The following PRDM2 variants were observed in gnomAD, a reference collection of about 807,000 sequenced individuals.
PRDM2 encodes the protein PR/SET domain 2.
PRDM2 carries 30 observed loss-of-function variants against 130.0 expected under a neutral mutation model. The observed-to-expected ratio is 0.23, with a 90% CI of 0.17 to 0.31. The LOEUF (loss-of-function observed/expected upper bound fraction) is 0.31. Among genes scored for constraint, PRDM2 ranks in the 10% least tolerant of loss-of-function variants. The pLI is 1.00. For synonymous variants in PRDM2, 871 were observed against 782.4 expected (o/e 1.11, Z -1.89); for missense variants, 2,011 against 2,108.4 (o/e 0.95, Z 0.90).
chr1:13,788,557 G>C (rs1393181710), intron 8 of PRDM2, among the ~76,000 whole-genome samples: 2 of 152,194 alleles, frequency 1.3e-5, no homozygotes, highest in Admixed American at 1.3e-4. Flanking sequence ...AACCACATCT[G>C]TCTGTCACTC....
chr1:13,731,197 G>A, intron 3 of PRDM2, 80 bp downstream of exon 3: 3 of 1,103,574 alleles, frequency 2.7e-6, no homozygotes, highest in Non-Finnish European at 4.1e-6. Context: ...GGCATGTCAG[G>A]TAGGGAGCGC....
Position 13,780,614 on chromosome 1 carries a change from C to T in PRDM2, c.2819C>T (p.Ser940Phe). The change falls in exon 8 of 10, where the codon TCC (serine) becomes TTC (phenylalanine). Residue 940 changes from serine (S) to phenylalanine (F), a missense_variant. By Grantham distance (155) the Ser-to-Phe change is radical. This residue lies in a region of PRDM2 where 1,288 missense variants were observed against 1,237.7 expected (regional missense o/e 1.04). Coordinates refer to ENST00000311066, the MANE Select transcript of PRDM2 (RefSeq NM_001393986.1). ...GGTTTCCCTGCCCCTACTGTTGAGTCCACACCTGATGTTTGTCCTTCATCA... is the reference window on the plus strand; with the variant it reads ...GGTTTCCCTGCCCCTACTGTTGAGTTCACACCTGATGTTTGTCCTTCATCA... ...GSGFPAPTVE[S>F]TPDVCPSSPA... 5 of 1,614,070 alleles carry T rather than the reference C, an allele frequency of 3.1e-6. No homozygotes were observed. The highest frequency in any genetic ancestry group is 4.2e-6 in the Non-Finnish European group (5 of 1,179,988).
chr1:13,720,173 G>T lies in PRDM2; in HGVS notation c.9+4559G>T, dbSNP rs79279706. Among the ~76,000 whole-genome samples, 739 of 152,214 alleles carry T rather than the reference G, an allele frequency of 4.9e-3. 8 individuals are homozygous for T. The highest frequency in any genetic ancestry group is 0.017 in the African/African-American group (705 of 41,534). On this transcript the variant is annotated intron_variant, in intron 2 of 9. Transcript: ENST00000311066. ...AGGAGTTACTTATATAAATTTAAATGAGACGCTAATAAAATTTGCTTATTC... is the reference window on the plus strand; with the variant it reads ...AGGAGTTACTTATATAAATTTAAATTAGACGCTAATAAAATTTGCTTATTC...
chr1:13,802,044 C>G (rs1645015914), intron 8 of PRDM2, among the ~76,000 whole-genome samples: 1 of 152,200 alleles, frequency 6.6e-6, no homozygotes, highest in African/African-American at 2.4e-5. Flanking sequence ...CCCGTCCTGG[C>G]CACCTTACAG....
At position 13,816,532 on chromosome 1, in the gene PRDM2, A is replaced by T. The variant is rs765070331; in HGVS notation, c.5142A>T (p.Pro1714=). Residue 1714 remains proline, a synonymous_variant, in exon 9 of 10, where the codon CCA becomes CCT. Coordinates refer to ENST00000311066, the MANE Select transcript of PRDM2 (RefSeq NM_001393986.1). Reference sequence around the variant, plus strand: ...CAGCTGCAGCCCAGTTCCAGGGACCATTCTTCAAAGAGTAGACACTCTGGC... The same window carrying T: ...CAGCTGCAGCCCAGTTCCAGGGACCTTTCTTCAAAGAGTAGACACTCTGGC... ...KAPAAAQFQG[P]FFKE 4 of 1,614,036 alleles carry T rather than the reference A, an allele frequency of 2.5e-6. No homozygotes were observed. The Admixed American group carries it at 5.0e-5, about 20-fold the overall frequency.
chr1:13,749,932 GCA>G (rs2100538668), intron 6 of PRDM2, among the ~76,000 whole-genome samples: 1 of 152,256 alleles, frequency 6.6e-6, no homozygotes, highest in African/African-American at 2.4e-5. Context: ...GGCCCGCCGC[GCA>G]GGACGCGGGC....
At position 13,779,504 on chromosome 1, in the gene PRDM2, T is replaced by C. The variant is rs1401838966; in HGVS notation, c.1709T>C (p.Ile570Thr). The C allele has an allele frequency of 6.2e-7, 1 of 1,614,066 alleles. No individual in the cohort carries two copies. Among genetic ancestry groups the C allele is most frequent in the African/African-American group, 1.3e-5 (1 of 75,034 alleles). The change falls in exon 8 of 10, where the codon ATT becomes ACT. Residue 570 changes from isoleucine to threonine, a missense_variant. Coordinates refer to ENST00000311066, the MANE Select transcript of PRDM2 (RefSeq NM_001393986.1). The surrounding 1 kb of genome is among the most constrained non-coding windows in gnomAD (Gnocchi z 4.9). ...ATCTCTGAAAACTTAAATTACTATA[T>C]TGATGGTAAAATTCAAACTAATAAC... ...SNISENLNYY[I>T]DGKIQTNNNT...
chr1:13,753,914 A>G (rs1478524511), intron 6 of PRDM2, among the ~76,000 whole-genome samples: 1 of 152,200 alleles, frequency 6.6e-6, no homozygotes, highest in Admixed American at 6.5e-5. Flanking sequence ...CTGGAGTTTC[A>G]GCAAAGAACT....
chr1:13,808,960 G>A (rs1004949789), intron 8 of PRDM2, among the ~76,000 whole-genome samples: 3 of 102,394 alleles, frequency 2.9e-5, no homozygotes, highest in Admixed American at 2.2e-4. Context: ...TGGAATCACT[G>A]AAGAGCTTAA....
intron 5 of PRDM2, 116 bp from the exon 6 acceptor site, chr1:13,749,245 C>T (rs1643721013): frequency 1.0e-6 from 1 of 995,174 alleles, no homozygotes; most frequent in Non-Finnish European, 1.2e-6. Flanking sequence ...GCGCGCGGCG[C>T]CGCCGACAGC....
chr1:13,791,743 A>T (rs546691678), intron 8 of PRDM2, among the ~76,000 whole-genome samples: 1 of 152,208 alleles, frequency 6.6e-6, no homozygotes, highest in Non-Finnish European at 1.5e-5. Context: ...AGTTGCAAAA[A>T]TTGCATTTAA....
chr1:13,701,418 G>T (rs904363641), intron 1 of PRDM2, among the ~76,000 whole-genome samples: 1 of 151,958 alleles, frequency 6.6e-6, no homozygotes, highest in Non-Finnish European at 1.5e-5. Context: ...ACTTCGCCTC[G>T]GTTTGATCAG....
At chr1:13,764,987 A>T (rs1041810339) in intron 6 of PRDM2, among the ~76,000 whole-genome samples, 2 of 152,256 alleles carry the variant, frequency 1.3e-5, no homozygotes, top group Non-Finnish European at 2.9e-5. Flanking sequence ...AGGAAACTAT[A>T]GAAAATGCAT....
intron 8 of PRDM2, among the ~76,000 whole-genome samples, chr1:13,793,071 G>GCA: frequency 6.6e-6 from 1 of 152,328 alleles, no homozygotes; most frequent in East Asian, 1.9e-4. Context: ...TGGCCAGAGA[G>GCA]CAGTTTTACT....
chr1:13,805,107 C>A (rs1037280703), intron 8 of PRDM2, among the ~76,000 whole-genome samples: 5 of 152,184 alleles, frequency 3.3e-5, no homozygotes, highest in Admixed American at 3.3e-4. Flanking sequence ...CCATCACAGG[C>A]CCAGCCTTAC....
In PRDM2 at chr1:13,782,826, C is replaced by T. The variant is rs1227470736; in HGVS notation, c.5031C>T (p.Asp1677=). The T allele has an allele frequency of 6.2e-7, 1 of 1,608,914 alleles. No individual in the cohort carries two copies. The highest frequency in any genetic ancestry group is 8.5e-7 in the Non-Finnish European group (1 of 1,179,196). ...EDGSAKQELK[D]FSYSLRLASR... Reference sequence around the variant, plus strand: ...GCAGCGCCAAGCAGGAGCTGAAGGACTTCAGGTAAGCTCAGGAGCTGGTGG... The same window carrying T: ...GCAGCGCCAAGCAGGAGCTGAAGGATTTCAGGTAAGCTCAGGAGCTGGTGG... Residue 1677 remains aspartate (D), a synonymous_variant, in exon 8 of 10, where the codon GAC becomes GAT. Coordinates refer to ENST00000311066, the MANE Select transcript of PRDM2 (RefSeq NM_001393986.1).
At chr1:13,743,244 C>CA (rs1643503070) in intron 5 of PRDM2, among the ~76,000 whole-genome samples, 1 of 151,586 alleles carries the variant, frequency 6.6e-6, no homozygotes, top group Non-Finnish European at 1.5e-5. Context: ...CTAAAAAATA[C>CA]AAAAAATAAG....
At chr1:13,713,010 T>TTCCACC (rs369986763) in intron 1 of PRDM2, among the ~76,000 whole-genome samples, 3,652 of 152,204 alleles carry the variant, frequency 0.024, 60 homozygotes, top group Middle Eastern at 0.044. Flanking sequence ...TCGCTTTTGC[T>TTCCACC]TCCACCTCCA....
chr1:13,799,290 C>G (rs547537234), intron 8 of PRDM2, among the ~76,000 whole-genome samples: 3 of 151,978 alleles, frequency 2.0e-5, no homozygotes, highest in Non-Finnish European at 4.4e-5. Context: ...CTAAAAATAC[C>G]AAAAATTAGC....
Sources: gnomAD v4.1 joint callset for allele counts (sites outside exome capture counted in the v4.1 genomes callset) on GRCh38, gnomAD v4.1.1 for gene constraint, gnomAD v4.1.1 regional missense constraint, Gnocchi (gnomAD v3.1) non-coding constraint, MANE v1.5 for transcripts, NCBI Gene and HGNC (gene_info 2026-07-23, HGNC 2026-07-21) for gene names.